ARMH4: variants seen among roughly 807,000 people sequenced by gnomAD.
ARMH4 encodes armadillo like helical domain containing 4, also known as armadillo-like helical domain-containing protein 4.
A neutral mutation model predicts 61.9 loss-of-function variants in ARMH4; 49 were observed. The ratio of observed to expected loss-of-function variants is 0.79; its 90% CI spans 0.63 to 1.00. The LOEUF (loss-of-function observed/expected upper bound fraction) is 1.00. ARMH4 is among the 50% of genes least tolerant of loss of function. The pLI is 0.00. For synonymous variants in ARMH4, 368 were observed against 341.5 expected (o/e 1.08, Z -0.85); for missense variants, 934 against 930.0 (o/e 1.00, Z -0.06).
At chr14:58,078,458 T>C (rs1885118845) in intron 5 of ARMH4, among the ~76,000 whole-genome samples, 2 of 152,308 alleles carry the variant, frequency 1.3e-5, no homozygotes, top group African/African-American at 2.4e-5. Context: ...CTCTGCTTCA[T>C]TGGGATAAAG....
At position 58,096,774 on chromosome 14, in the gene ARMH4, G is replaced by A. The variant is rs1302389713; in HGVS notation, c.2039C>T (p.Thr680Ile). The A allele has an allele frequency of 6.2e-7, 1 of 1,614,058 alleles. No homozygotes were observed. The highest frequency in any genetic ancestry group is 8.5e-7 in the Non-Finnish European group (1 of 1,180,022). The change falls in exon 5 of 8, where the codon ACC (threonine) becomes ATC (isoleucine). Residue 680 changes from threonine (T) to isoleucine (I), a missense_variant. By Grantham distance (89) the Thr-to-Ile change is moderately conservative. Transcript: ENST00000267485. ...EGNMDLLEGA[T>I]YQVPDALEWE... ...CTCGAGGGCATCTGGCACCTGGTAG[G>A]TAGCTCCCTCCAACAGGTCCATGTT...
chr14:58,069,122 C>T (rs969694087), intron 5 of ARMH4, among the ~76,000 whole-genome samples: 1 of 152,086 alleles, frequency 6.6e-6, no homozygotes, highest in Admixed American at 6.6e-5. Flanking sequence ...ATATCAAAGA[C>T]TTACCTGGAA....
intron 5 of ARMH4, among the ~76,000 whole-genome samples, chr14:58,054,028 G>A (rs984655730): frequency 5.3e-5 from 8 of 152,276 alleles, no homozygotes; most frequent in East Asian, 3.9e-4. Flanking sequence ...CCCTTGGTAC[G>A]TCTCAAAGAC....
At chr14:58,136,488 G>A (rs1887305218) in intron 2 of ARMH4, among the ~76,000 whole-genome samples, 1 of 152,174 alleles carries the variant, frequency 6.6e-6, no homozygotes, top group Non-Finnish European at 1.5e-5. Context: ...AAGCTTCTAT[G>A]AAAACTGAAC....
chr14:58,014,095 G>A (rs978769607), intron 5 of ARMH4, among the ~76,000 whole-genome samples: 2 of 151,968 alleles, frequency 1.3e-5, no homozygotes, highest in African/African-American at 4.8e-5. Flanking sequence ...TAAGACTTTC[G>A]AACTACCAAT....
intron 1 of ARMH4, among the ~76,000 whole-genome samples, chr14:58,145,164 T>G (rs1322830829): frequency 6.6e-6 from 1 of 151,014 alleles, no homozygotes; most frequent in Non-Finnish European, 1.5e-5. Flanking sequence ...CAGGCCATCA[T>G]GAATGGTAAT....
intron 5 of ARMH4, among the ~76,000 whole-genome samples, chr14:58,055,883 G>T (rs1342693241): frequency 6.6e-6 from 1 of 152,222 alleles, no homozygotes; most frequent in Non-Finnish European, 1.5e-5. Context: ...ATCTCTAAGG[G>T]ATTTGTTTTA....
intron 5 of ARMH4, among the ~76,000 whole-genome samples, chr14:58,020,453 G>A (rs973733009): frequency 2.0e-5 from 3 of 152,018 alleles, no homozygotes; most frequent in Non-Finnish European, 2.9e-5. Flanking sequence ...TTGTGTCTCT[G>A]CATATCACAT....
At chr14:58,063,401 T>C (rs951874457) in intron 5 of ARMH4, among the ~76,000 whole-genome samples, 1 of 152,202 alleles carries the variant, frequency 6.6e-6, no homozygotes, top group Non-Finnish European at 1.5e-5. Context: ...ACGTATCTTC[T>C]GGGTTGGGGG....
chr14:58,041,920 A>G (rs192296296), intron 5 of ARMH4, among the ~76,000 whole-genome samples: 1 of 152,338 alleles, frequency 6.6e-6, no homozygotes, highest in Non-Finnish European at 1.5e-5. Context: ...TATGCACCCA[A>G]TACAGGAGCA....
chr14:58,092,014 C>A (rs1337496878), intron 5 of ARMH4, among the ~76,000 whole-genome samples: 1 of 152,226 alleles, frequency 6.6e-6, no homozygotes, highest in East Asian at 1.9e-4. Context: ...AATTTGAGGC[C>A]TGAATCTACT....
chr14:58,056,294 T>C (rs1385703335), intron 5 of ARMH4, among the ~76,000 whole-genome samples: 1 of 152,224 alleles, frequency 6.6e-6, no homozygotes, highest in Non-Finnish European at 1.5e-5. Context: ...ATCTATAGTA[T>C]CTTTATCAAA....
intron 5 of ARMH4, among the ~76,000 whole-genome samples, chr14:58,029,212 C>A (rs1883127574): frequency 6.6e-6 from 1 of 151,580 alleles, no homozygotes; most frequent in African/African-American, 2.4e-5. Flanking sequence ...ACCTTTCGGT[C>A]TGGCTTCTTT....
intron 4 of ARMH4, among the ~76,000 whole-genome samples, chr14:58,106,671 T>C (rs1886175456): frequency 6.6e-6 from 1 of 152,236 alleles, no homozygotes; most frequent in Non-Finnish European, 1.5e-5. Context: ...GACGATACTT[T>C]GTACTTACAT....
Position 58,051,539 on chromosome 14 carries a change from A to T in ARMH4, c.2090-39389T>A, listed in dbSNP as rs557309510. On this transcript the variant is annotated intron_variant, in intron 5 of 7. Coordinates refer to ENST00000267485, the MANE Select transcript of ARMH4 (RefSeq NM_001001872.4). The stretch of plus-strand genomic sequence containing the variant: ...AATAGTTCCACCAAAGAAAATAAGT[A>T]CTTGCACTTGAATAACCAATACATT... Among the ~76,000 whole-genome samples, 4 of 152,358 alleles carry T rather than the reference A, an allele frequency of 2.6e-5. No individual in the cohort carries two copies. The East Asian group carries it at 7.7e-4, about 29-fold the overall frequency.
intron 4 of ARMH4, among the ~76,000 whole-genome samples, chr14:58,121,413 T>A (rs1886717556): frequency 6.6e-6 from 1 of 152,208 alleles, no homozygotes; most frequent in Non-Finnish European, 1.5e-5. Context: ...GTTTACTTAA[T>A]TGCAATTATA....
intron 4 of ARMH4, among the ~76,000 whole-genome samples, 164 bp from the exon 5 acceptor site, chr14:58,097,145 C>A (rs1341940021): frequency 6.6e-6 from 1 of 152,150 alleles, no homozygotes; most frequent in Non-Finnish European, 1.5e-5. Flanking sequence ...GGATTATACA[C>A]CCACCATATG....
At position 58,138,584 on chromosome 14, in the gene ARMH4, GCGAAGGCTTCTC is replaced by G. The variant is rs1887403629; in HGVS notation, c.763_774del (p.Glu255_Ser258del). 1 of 1,614,214 alleles carries G rather than the reference GCGAAGGCTTCTC, an allele frequency of 6.2e-7. No homozygotes were observed. Among genetic ancestry groups the G allele is most frequent in the African/African-American group, 1.3e-5 (1 of 75,064 alleles). On this transcript the variant is annotated inframe_deletion, in exon 2 of 8. Coordinates refer to ENST00000267485, the MANE Select transcript of ARMH4 (RefSeq NM_001001872.4). Reference sequence around the variant, plus strand: ...GCCTGGGTGTTATCAGCTGTCATCTGCGAAGGCTTCTCCTTATCAGGGGTGAGGCTTCCAGGC... The same window carrying G: ...GCCTGGGTGTTATCAGCTGTCATCTGCTTATCAGGGGTGAGGCTTCCAGGC...
intron 1 of ARMH4, among the ~76,000 whole-genome samples, chr14:58,142,306 T>C (rs1764562521): frequency 6.6e-6 from 1 of 152,174 alleles, no homozygotes; most frequent in African/African-American, 2.4e-5. Flanking sequence ...CTTCTTCCCT[T>C]AAGGAGTTTC....
Sources: allele counts gnomAD v4.1 joint callset (sites outside exome capture counted in the v4.1 genomes callset), GRCh38; gene constraint gnomAD v4.1.1; transcripts MANE v1.5; gene names NCBI Gene and HGNC (gene_info 2026-07-23, HGNC 2026-07-21).